Variants in AFG3L2 observed in about 807,000 individuals in gnomAD.
AFG3L2 encodes the protein mitochondrial inner membrane m-AAA protease component AFG3L2.
In AFG3L2, 54 loss-of-function variants were observed where a neutral mutation model predicts 94.5. That is an observed-to-expected ratio of 0.57 (90% CI 0.46 to 0.72). AFG3L2 has a LOEUF of 0.72. AFG3L2 is among the 30% of genes least tolerant of loss of function. The pLI is 0.00. For missense variants in AFG3L2, 754 were observed against 994.9 expected (o/e 0.76, Z 3.26); for synonymous variants, 377 against 365.5 (o/e 1.03, Z -0.36).
intron 9 of AFG3L2, among the ~76,000 whole-genome samples, chr18:12,354,173 C>T (rs1908419773): frequency 7.1e-6 from 1 of 140,838 alleles, no homozygotes; most frequent in Non-Finnish European, 1.5e-5. Context: ...TCCAGGTCTT[C>T]CTGCCTGGAT....
chr18:12,360,301 C>CA, intron 6 of AFG3L2: 2 of 446,630 alleles, frequency 4.5e-6, no homozygotes, highest in South Asian at 6.4e-5. Flanking sequence ...ATTATAAACT[C>CA]AAAAAACAGA....
intron 13 of AFG3L2, among the ~76,000 whole-genome samples, chr18:12,346,077 G>C (rs1421689972): frequency 6.6e-6 from 1 of 152,064 alleles, no homozygotes; most frequent in South Asian, 2.1e-4. Context: ...CCACATCCCT[G>C]TGCCTCGCCC....
At chr18:12,337,685 A>G (rs1907796877) in intron 15 of AFG3L2, 150 bp from the exon 16 acceptor site, 1 of 719,636 alleles carries the variant, frequency 1.4e-6, no homozygotes, top group Non-Finnish European at 2.4e-6. Context: ...TAAACTCATG[A>G]CTAGAAACAC....
At chr18:12,372,941 A>G (rs1488325126) in intron 1 of AFG3L2, among the ~76,000 whole-genome samples, 1 of 152,212 alleles carries the variant, frequency 6.6e-6, no homozygotes. Flanking sequence ...GAGTGCTGAA[A>G]ATGTTCTGGA....
At chr18:12,346,048 C>A (rs1321775327) in intron 13 of AFG3L2, among the ~76,000 whole-genome samples, 1 of 152,150 alleles carries the variant, frequency 6.6e-6, no homozygotes, top group Non-Finnish European at 1.5e-5. Flanking sequence ...CTGCCAAATC[C>A]AAAGTTCCTC....
At chr18:12,363,958 A>G (rs1908735103) in intron 5 of AFG3L2, 102 bp from the exon 6 acceptor site, 1 of 897,666 alleles carries the variant, frequency 1.1e-6, no homozygotes, top group East Asian at 2.5e-5. Flanking sequence ...CCACACAAGG[A>G]AAGAATAAAG....
intron 16 of AFG3L2, among the ~76,000 whole-genome samples, chr18:12,332,903 T>TG (rs1907582688): frequency 7.2e-6 from 1 of 138,546 alleles, no homozygotes; most frequent in South Asian, 2.1e-4. Flanking sequence ...ATCCAATATA[T>TG]AAAAAATATA....
At chr18:12,367,722 T>C (rs1908850490) in intron 3 of AFG3L2, among the ~76,000 whole-genome samples, 1 of 152,054 alleles carries the variant, frequency 6.6e-6, no homozygotes, top group South Asian at 2.1e-4. Context: ...AGTCACAGAG[T>C]TGGGATGCAA....
At chr18:12,346,505 CT>C (rs959951296) in intron 13 of AFG3L2, among the ~76,000 whole-genome samples, 6 of 152,078 alleles carry the variant, frequency 3.9e-5, no homozygotes, top group Non-Finnish European at 4.4e-5. Context: ...GTGCTCCCCC[CT>C]GATAAGCTGT....
intron 9 of AFG3L2, among the ~76,000 whole-genome samples, chr18:12,356,466 T>C (rs1598832384): frequency 6.6e-6 from 1 of 152,276 alleles, no homozygotes; most frequent in South Asian, 2.1e-4. Context: ...ATTCTTTAAA[T>C]TGGTCTACTA....
intron 7 of AFG3L2, among the ~76,000 whole-genome samples, chr18:12,359,363 T>C (rs1908587916): frequency 6.6e-6 from 1 of 152,172 alleles, no homozygotes; most frequent in South Asian, 2.1e-4. Flanking sequence ...CATTGAATGT[T>C]AATACCCTAA....
intron 16 of AFG3L2, among the ~76,000 whole-genome samples, chr18:12,332,684 A>AT (rs201207859): frequency 1.5e-4 from 22 of 144,262 alleles, no homozygotes; most frequent in African/African-American, 5.0e-4. Flanking sequence ...ATATATATAT[A>AT]TTTTTTGTCT....
intron 9 of AFG3L2, among the ~76,000 whole-genome samples, chr18:12,353,660 G>A (rs1908395225): frequency 6.6e-6 from 1 of 152,150 alleles, no homozygotes; most frequent in Admixed American, 6.5e-5. Context: ...AGTAACCTGG[G>A]TAACCGACTT....
At position 12,371,672 on chromosome 18, in the gene AFG3L2, G is replaced by A. The variant is rs770433919; in HGVS notation, c.134C>T (p.Thr45Ile). ...AGAATTTCTGCTGGCCCTTGCTTGA[G>A]TTGTAACAAATCGGTAAAGCTGCAA... ...CLRTLYRFVT[T>I]QARASRNSLL... Residue 45 changes from threonine to isoleucine, a missense_variant, in exon 2 of 17, where the codon ACT (threonine) becomes ATT (isoleucine). Thr to Ile is a moderately conservative substitution (Grantham distance 89). Around this residue, in one of 4 missense-constraint regions of AFG3L2, gnomAD observed 236 missense variants for 214.0 expected, o/e 1.10. Coordinates refer to ENST00000269143, the MANE Select transcript of AFG3L2 (RefSeq NM_006796.3). The A allele has an allele frequency of 5.0e-6, 8 of 1,613,848 alleles. No homozygotes were observed. Among genetic ancestry groups the A allele is most frequent in the Non-Finnish European group, 5.9e-6 (7 of 1,179,980 alleles).
intron 13 of AFG3L2, among the ~76,000 whole-genome samples, chr18:12,346,438 C>T (rs959388859): frequency 6.6e-6 from 1 of 152,154 alleles, no homozygotes; most frequent in African/African-American, 2.4e-5. Context: ...CCTCTGCAAG[C>T]GCCCCACACT....
At chr18:12,341,681 T>C (rs1907957721) in intron 14 of AFG3L2, 1 of 152,234 alleles carries the variant, frequency 6.6e-6, no homozygotes. Context: ...GTCAGGGTTA[T>C]TTTCAGTTTA....
rs539968042 is a variant in AFG3L2 at position 12,339,236 on chromosome 18, CAAAAA to C, written c.1980+960_1980+964del. 2.9e-4 allele frequency among the ~76,000 whole-genome samples: 12 copies of C among 41,298 alleles called. No homozygotes were observed. In the East Asian group the frequency reaches 5.2e-3, roughly 18 times the overall value. 27.1% of individuals were successfully genotyped at this position (41,298 alleles called of 152,430 possible). A position where few individuals can be genotyped will look rare whatever the true frequency, so the allele number is the denominator to read the frequency against. The stretch of plus-strand genomic sequence containing the variant: ...AGCCTGGGCGACCGAGACTCTGTCT[CAAAAA>C]AAAAAAAAAAAAAAAAAAAAAGGTT... On this transcript the variant is annotated intron_variant, in intron 15 of 16. Coordinates refer to ENST00000269143, the MANE Select transcript of AFG3L2 (RefSeq NM_006796.3).
intron 9 of AFG3L2, among the ~76,000 whole-genome samples, chr18:12,356,298 T>C (rs111435245): frequency 1.7e-4 from 26 of 152,208 alleles, no homozygotes; most frequent in South Asian, 6.2e-4. Flanking sequence ...ATTATAGGCA[T>C]GCGCGACCAC....
intron 9 of AFG3L2, among the ~76,000 whole-genome samples, chr18:12,355,175 G>A (rs573748089): frequency 6.6e-6 from 1 of 150,888 alleles, no homozygotes; most frequent in East Asian, 1.9e-4. Context: ...CTCCAGCCTG[G>A]GCGACAGAGC....
Sources: allele counts gnomAD v4.1 joint callset (sites outside exome capture counted in the v4.1 genomes callset), GRCh38; gene constraint gnomAD v4.1.1; regional missense constraint gnomAD v4.1.1; transcripts MANE v1.5; gene names NCBI Gene and HGNC (gene_info 2026-07-23, HGNC 2026-07-21).